FSIP2: variants seen among roughly 807,000 people sequenced by gnomAD.
FSIP2 encodes fibrous sheath-interacting protein 2.
A neutral mutation model predicts 510.5 loss-of-function variants in FSIP2; 367 were observed. The ratio of observed to expected loss-of-function variants is 0.72; its 90% confidence interval spans 0.66 to 0.78. The LOEUF is 0.78. Among genes scored for constraint, FSIP2 ranks in the 30% least tolerant of loss-of-function variants. FSIP2 has a pLI of 0.00. For missense variants in FSIP2, 7,594 were observed against 7,901.7 expected, an observed-to-expected ratio of 0.96 and a Z score of 1.48; for synonymous variants, 2,601 against 2,732.2, an observed-to-expected ratio of 0.95 and a Z score of 1.50.
chr2:185,749,746 A>G (rs1261609412), intron 7 of FSIP2, among the ~76,000 whole-genome samples: 1 of 151,760 alleles, frequency 6.6e-6, no homozygotes, highest in African/African-American at 2.4e-5. Flanking sequence ...TAGTGATCTC[A>G]AGGGGAAAGG....
At chr2:185,832,966 G>A in intron 22 of FSIP2, 124 bp from the exon 23 acceptor site, 1 of 717,906 alleles carries the variant, frequency 1.4e-6, no homozygotes, top group Non-Finnish European at 2.4e-6. Context: ...GATGCCATGA[G>A]AGTCAGAAAG....
chr2:185,753,775 T>C lies in FSIP2; in HGVS notation c.924T>C (p.Asp308=), dbSNP rs1380370613. 2.1e-6 allele frequency: 3 copies of C among 1,442,330 alleles called. No homozygotes were observed. The highest frequency in any genetic ancestry group is 2.8e-6 in the Non-Finnish European group (3 of 1,075,110). 89.3% of individuals were successfully genotyped at this position (1,442,330 alleles called of 1,614,324 possible). Residue 308 remains aspartate, a synonymous_variant, in exon 8 of 23, where the codon GAT becomes GAC. Coordinates refer to ENST00000424728, the MANE Select transcript of FSIP2 (RefSeq NM_173651.4). The stretch of plus-strand genomic sequence containing the variant: ...CTTATCATTTACAAAAAATGCAAGA[T>C]ACTGGCTTTAACGGAGAAGATATAG... ...KMAYHLQKMQ[D]TGFNGEDIGK... is the part of the protein sequence containing the mutation.
chr2:185,765,121 C>G (rs1018361775), intron 13 of FSIP2: 1 of 151,928 alleles, frequency 6.6e-6, no homozygotes, highest in Admixed American at 6.6e-5. Flanking sequence ...GGTTTTTCAA[C>G]TTTACTGTCG....
chr2:185,789,544 A>C lies in FSIP2; in HGVS notation c.2408A>C (p.Lys803Thr), dbSNP rs1160583687. The part of the protein sequence containing the change: ...SDELLTSSNG[K>T]PLKNSMPHTL... Reference sequence around the variant, plus strand: ...GAACTTCTCACATCATCTAATGGAAAACCTTTGAAAAATTCAATGCCTCAT... The same window carrying C: ...GAACTTCTCACATCATCTAATGGAACACCTTTGAAAAATTCAATGCCTCAT... The change falls in exon 16 of 23, where the codon AAA (lysine) becomes ACA (threonine). Residue 803 changes from lysine (K) to threonine (T), a missense_variant. By Grantham distance (78) the Lys-to-Thr change is moderately conservative (BLOSUM62 -1). Transcript: ENST00000424728. The C allele has an allele frequency of 7.8e-6, 12 of 1,534,748 alleles. No individual in the cohort carries two copies. The highest frequency in any genetic ancestry group is 1.0e-5 in the Non-Finnish European group (12 of 1,145,882).
chr2:185,795,335 A>G lies in FSIP2; in HGVS notation c.8199A>G (p.Ser2733=). The G allele has an allele frequency of 6.5e-7, 1 of 1,534,990 alleles. No individual in the cohort carries two copies. The highest frequency in any genetic ancestry group is 8.7e-7 in the Non-Finnish European group (1 of 1,146,202). ...TACTGGACACAAAATTGCCCACTTCAGAACTAAAAATATATGCCAAGGATA... is the reference window on the plus strand; with the variant it reads ...TACTGGACACAAAATTGCCCACTTCGGAACTAAAAATATATGCCAAGGATA... The part of the protein sequence containing the change: ...KNLLDTKLPT[S]ELKIYAKDII... Residue 2733 remains serine (S), a synonymous_variant, in exon 16 of 23, where the codon TCA becomes TCG. Coordinates refer to ENST00000424728, the MANE Select transcript of FSIP2 (RefSeq NM_173651.4).
rs1693627381 is a variant in FSIP2 at position 185,807,987 on chromosome 2, T to A, written c.18681T>A (p.Ser6227Arg). The change falls in exon 17 of 23, where the codon AGT becomes AGA. Residue 6227 changes from serine (S) to arginine (R), a missense_variant. Coordinates refer to ENST00000424728, the MANE Select transcript of FSIP2 (RefSeq NM_173651.4). ...LNSVQEFISKSKIKLVPPTKE... is the reference protein window; with the variant it reads ...LNSVQEFISKRKIKLVPPTKE... ...CAGTCCAAGAATTTATCTCCAAAAGTAAGATTAAACTTGTACCACCCACCA... is the reference window on the plus strand; with the variant it reads ...CAGTCCAAGAATTTATCTCCAAAAGAAAGATTAAACTTGTACCACCCACCA... 7.5e-6 allele frequency: 12 copies of A among 1,610,662 alleles called. No homozygotes were observed. The highest frequency in any genetic ancestry group is 9.3e-6 in the Non-Finnish European group (11 of 1,178,074).
intron 7 of FSIP2, among the ~76,000 whole-genome samples, chr2:185,748,062 C>A (rs1188226385): frequency 6.6e-6 from 1 of 151,906 alleles, no homozygotes; most frequent in Non-Finnish European, 1.5e-5. Context: ...TTATTGTTAA[C>A]AAACCTAGGT....
In FSIP2 at chr2:185,806,059, C is replaced by A; in HGVS notation, c.16753C>A (p.His5585Asn). Reference sequence around the variant, plus strand: ...AGGGAAAGATGATGAGATATACACACATTTTTCATTAATAATTGATGATAC... The same window carrying A: ...AGGGAAAGATGATGAGATATACACAAATTTTTCATTAATAATTGATGATAC... ...KKGKDDEIYT[H>N]FSLIIDDTEY... Residue 5585 changes from histidine (H) to asparagine (N), a missense_variant, in exon 17 of 23, where the codon CAT (histidine) becomes AAT (asparagine). Physicochemically the swap from His to Asn is moderately conservative, Grantham distance 68. Coordinates refer to ENST00000424728, the MANE Select transcript of FSIP2 (RefSeq NM_173651.4). The A allele has an allele frequency of 6.4e-7, 1 of 1,556,010 alleles. No homozygotes were observed. Among genetic ancestry groups the A allele is most frequent in the South Asian group, 1.2e-5 (1 of 83,530 alleles).
chr2:185,744,469 T>C, intron 4 of FSIP2, 58 bp downstream of exon 4: 1 of 371,902 alleles, frequency 2.7e-6, no homozygotes, highest in Non-Finnish European at 4.7e-6. Flanking sequence ...AATGCTTGAT[T>C]ATATGTAGAG....
intron 7 of FSIP2, among the ~76,000 whole-genome samples, chr2:185,750,975 T>G (rs949904347): frequency 2.6e-5 from 4 of 151,644 alleles, no homozygotes; most frequent in African/African-American, 9.6e-5. Context: ...TCTTTTTAAA[T>G]ATATTGAGAT....
Position 185,756,276 on chromosome 2 carries a change from A to G in FSIP2, c.1076A>G (p.His359Arg), listed in dbSNP as rs1199199408. Residue 359 changes from histidine to arginine, a missense_variant and splice_region_variant, in exon 9 of 23, where the codon CAT becomes CGT. Transcript: ENST00000424728. ...GACCAGAATACATATAAAGAAACAC[A>G]TGGTAATTGAATATTGTGACAAGAA... ...AGDQNTYKET[H>R]GHTANAAHQR... is the part of the protein sequence containing the mutation. The G allele has an allele frequency of 1.7e-6, 2 of 1,158,366 alleles. No individual in the cohort carries two copies. The highest frequency in any genetic ancestry group is 2.4e-6 in the Non-Finnish European group (2 of 840,610). The allele number at this position is 1,158,366 out of a possible 1,614,324, so 71.8% of individuals were successfully genotyped here.
Position 185,813,546 on chromosome 2 carries a change from C to A in FSIP2, c.19829C>A (p.Ala6610Asp). The part of the protein sequence containing the change: ...TGRLDVKPLE[A>D]VARNSFQNIR... The stretch of plus-strand genomic sequence containing the variant: ...TATTTGCTATACCTTTAATTTCAGG[C>A]CGTTGCTAGAAATTCATTTCAGAAT... Residue 6610 changes from alanine (A) to aspartate (D), a missense_variant and splice_region_variant, in exon 18 of 23, where the codon GCC becomes GAC. Physicochemically the swap from Ala to Asp is moderately radical, Grantham distance 126 (BLOSUM62 -2). Transcript: ENST00000424728. 6.6e-7 allele frequency: 1 copy of A among 1,512,462 alleles called. No homozygotes were observed. Among genetic ancestry groups the A allele is most frequent in the Non-Finnish European group, 8.8e-7 (1 of 1,131,476 alleles). 93.7% of individuals were successfully genotyped at this position (1,512,462 alleles called of 1,614,324 possible). A position where few individuals can be genotyped will look rare whatever the true frequency, so the allele number is the denominator to read the frequency against.
chr2:185,772,223 C>T (rs1421104622), intron 13 of FSIP2, among the ~76,000 whole-genome samples: 2 of 152,186 alleles, frequency 1.3e-5, no homozygotes, highest in Admixed American at 1.3e-4. Flanking sequence ...CTGTGTTCTT[C>T]AGAGCCAGAG....
chr2:185,807,333 T>C lies in FSIP2; in HGVS notation c.18027T>C (p.Pro6009=), dbSNP rs1208685287. 1.2e-6 allele frequency: 2 copies of C among 1,611,358 alleles called. No individual in the cohort carries two copies. The highest frequency in any genetic ancestry group is 2.2e-5 in the South Asian group (2 of 90,420). Residue 6009 remains proline (P), a synonymous_variant, in exon 17 of 23, where the codon CCT becomes CCC. Coordinates refer to ENST00000424728, the MANE Select transcript of FSIP2 (RefSeq NM_173651.4). ...CATCACCATATACAATAATATTACC[T>C]CATAAATTTTTGGAGAATGTGATTT... ...QTSSPYTIIL[P]HKFLENVISA...
chr2:185,833,016 T>A, intron 22 of FSIP2, 74 bp from the exon 23 acceptor site: 1 of 1,352,914 alleles, frequency 7.4e-7, no homozygotes, highest in East Asian at 2.3e-5. Flanking sequence ...TTTACTCATA[T>A]GACCTTAGGC....
At chr2:185,809,859 C>T (rs953398013) in intron 17 of FSIP2, among the ~76,000 whole-genome samples, 17 of 151,882 alleles carry the variant, frequency 1.1e-4, no homozygotes, top group Admixed American at 3.9e-4. Context: ...ATATTTTAAC[C>T]GGGAATTTAA....
In FSIP2 at chr2:185,791,406, A is replaced by AT; in HGVS notation, c.4272dup (p.Lys1425Ter). 1 of 1,534,270 alleles carries AT rather than the reference A, an allele frequency of 6.5e-7. No individual in the cohort carries two copies. Among genetic ancestry groups the AT allele is most frequent in the Non-Finnish European group, 8.7e-7 (1 of 1,145,586 alleles). On this transcript the variant is annotated frameshift_variant, in exon 16 of 23. Coordinates refer to ENST00000424728, the MANE Select transcript of FSIP2 (RefSeq NM_173651.4). LOFTEE classifies it high-confidence loss of function. ...CCACAGTGTCAATGGTGGAAACCAT[A>AT]TTAAAGAGAATGCAAAATTGCAAGT...
chr2:185,804,764 C>T lies in FSIP2; in HGVS notation c.15458C>T (p.Ala5153Val), dbSNP rs1693521082. 4.6e-6 allele frequency: 7 copies of T among 1,531,438 alleles called. No individual in the cohort carries two copies. Among genetic ancestry groups the T allele is most frequent in the Non-Finnish European group, 5.2e-6 (6 of 1,144,542 alleles). The allele number at this position is 1,531,438 out of a possible 1,614,324, so 94.9% of individuals were successfully genotyped here. A position where few individuals can be genotyped will look rare whatever the true frequency, so the allele number is the denominator to read the frequency against. The change falls in exon 17 of 23, where the codon GCA (alanine) becomes GTA (valine). Residue 5153 changes from alanine to valine, a missense_variant. Ala to Val is a moderately conservative substitution (Grantham distance 64, BLOSUM62 0). Coordinates refer to ENST00000424728, the MANE Select transcript of FSIP2 (RefSeq NM_173651.4). Reference sequence around the variant, plus strand: ...CCACCGGATGATGAATTTGTGGAGGCAGCTTCAAAATTGACTGATGAAATT... The same window carrying T: ...CCACCGGATGATGAATTTGTGGAGGTAGCTTCAAAATTGACTGATGAAATT... ...KFPPDDEFVE[A>V]ASKLTDEIIK... is the part of the protein sequence containing the mutation.
chr2:185,787,236 A>C (rs1466772047), intron 15 of FSIP2, among the ~76,000 whole-genome samples: 1 of 151,432 alleles, frequency 6.6e-6, no homozygotes, highest in Non-Finnish European at 1.5e-5. Flanking sequence ...ACAACATAAG[A>C]TTGTCATCTC....
Sources: allele counts gnomAD v4.1 joint callset (sites outside exome capture counted in the v4.1 genomes callset), GRCh38; gene constraint gnomAD v4.1.1; transcripts MANE v1.5; gene names NCBI Gene and HGNC (gene_info 2026-07-23, HGNC 2026-07-21).